The following GSAP variants were observed in gnomAD, a reference collection of about 807,000 sequenced individuals.
GSAP encodes gamma-secretase activating protein, also known as gamma-secretase-activating protein.
Under a neutral mutation model 131.7 loss-of-function variants are expected in GSAP, and 118 were observed. The observed-to-expected ratio is 0.90, with a 90% CI of 0.77 to 1.04. The LOEUF is 1.04. GSAP is among the 50% of genes least tolerant of loss of function. The pLI, the probability that GSAP is intolerant of heterozygous loss-of-function variation, is 0.00. For synonymous variants in GSAP, 381 were observed against 363.4 expected (o/e 1.05, Z -0.55); for missense variants, 1,019 against 1,013.2 (o/e 1.01, Z -0.08).
intron 18 of GSAP, chr7:77,351,684 C>A: frequency 2.0e-6 from 2 of 985,852 alleles, no homozygotes; most frequent in Non-Finnish European, 2.4e-6. Context: ...CTCCACCCTG[C>A]ACAATCTTGA....
rs1474254757 is a variant in GSAP, at chr7:77,344,655, A to G, written c.1545+4696T>C. ...CTAGTATCTCCTGGTGCTATCCCCA[A>G]CTGCCAGTCTTAACTCCCTTTTAGA... On this transcript the variant is annotated intron_variant, in intron 19 of 30. Transcript: ENST00000257626. 2.6e-5 allele frequency among the ~76,000 whole-genome samples: 4 copies of G among 152,162 alleles called. No individual in the cohort carries two copies. The East Asian group carries it at 5.8e-4, about 22-fold the overall frequency.
Position 77,412,093 on chromosome 7 carries a change from C to T in GSAP, c.109+4120G>A, listed in dbSNP as rs140015285. Among the ~76,000 whole-genome samples the T allele has an allele frequency of 3.9e-3, 588 of 152,276 alleles. 5 individuals carry two copies. Among genetic ancestry groups the T allele is most frequent in the African/African-American group, 0.013 (526 of 41,552 alleles). ...ACTTGGGAGGCTGAGGCAGGAGAAT[C>T]GCTTGAACCCGGGAGGTGGAGGTTG... On this transcript the variant is annotated intron_variant, in intron 1 of 30. Coordinates refer to ENST00000257626, the MANE Select transcript of GSAP (RefSeq NM_017439.4).
At position 77,397,007 on chromosome 7, in the gene GSAP, T is replaced by C; in HGVS notation, c.342A>G (p.Glu114=). Residue 114 remains glutamate (E), a synonymous_variant, in exon 5 of 31, where the codon GAA becomes GAG. Transcript: ENST00000257626. ...CTGGTTGAAGTTCGTTCCTTTTTCC[T>C]TCTTTAGTAGACTGAACTAAACTTG... ...LAASLVQSTK[E]GKRNELQPGS... 6.2e-7 allele frequency: 1 copy of C among 1,601,442 alleles called. No individual in the cohort carries two copies. The highest frequency in any genetic ancestry group is 8.5e-7 in the Non-Finnish European group (1 of 1,171,210).
intron 10 of GSAP, among the ~76,000 whole-genome samples, chr7:77,376,638 G>A (rs527782215): frequency 4.6e-5 from 7 of 152,060 alleles, no homozygotes; most frequent in South Asian, 4.2e-4. Context: ...TTATCTGGTC[G>A]TGGTGGCGGG....
In GSAP at chr7:77,416,219, C is replaced by T; in HGVS notation, c.103G>A (p.Gly35Ser). The T allele has an allele frequency of 6.8e-7, 1 of 1,460,872 alleles. No homozygotes were observed. The highest frequency in any genetic ancestry group is 2.5e-5 in the Admixed American group (1 of 39,226). The allele number at this position is 1,460,872 out of a possible 1,614,324, so 90.5% of individuals were successfully genotyped here. ...VSEASGAGSG[G>S]ADVLENDYES... is the part of the protein sequence containing the mutation. ...CGCAGCGCGCCTCCCGCACCTGCGCCGCCGCTTCCGGCCCCGCTGGCCTCC... is the reference window on the plus strand; with the variant it reads ...CGCAGCGCGCCTCCCGCACCTGCGCTGCCGCTTCCGGCCCCGCTGGCCTCC... Residue 35 changes from glycine (G) to serine (S), a missense_variant, in exon 1 of 31, where the codon GGC becomes AGC. Physicochemically the swap from Gly to Ser is moderately conservative, Grantham distance 56. Transcript: ENST00000257626.
At chr7:77,360,585 G>T (rs1355577886) in intron 14 of GSAP, among the ~76,000 whole-genome samples, 2 of 152,176 alleles carry the variant, frequency 1.3e-5, no homozygotes, top group Non-Finnish European at 2.9e-5. Flanking sequence ...CACAGCCTAG[G>T]TTCTCTAAAA....
At position 77,345,319 on chromosome 7, in the gene GSAP, CT is replaced by C. The variant is rs569203857; in HGVS notation, c.1545+4031del. ...ACCACTCTAGGTTCCTATGCTGCCC[CT>C]AATCCTGCTCGAAGCAGCCCTGAGA... On this transcript the variant is annotated intron_variant, in intron 19 of 30. Transcript: ENST00000257626. Among the ~76,000 whole-genome samples, 301 of 152,316 alleles carry C rather than the reference CT, an allele frequency of 2.0e-3. 2 individuals carry two copies. The highest frequency in any genetic ancestry group is 7.0e-3 in the African/African-American group (291 of 41,546).
intron 3 of GSAP, among the ~76,000 whole-genome samples, chr7:77,402,242 A>G (rs1269511916): frequency 6.6e-6 from 1 of 151,450 alleles, no homozygotes; most frequent in Non-Finnish European, 1.5e-5. Flanking sequence ...TCCAAGGAAA[A>G]ATACAGTACT....
At chr7:77,377,125 G>A (rs1797013223) in intron 9 of GSAP, among the ~76,000 whole-genome samples, 161 bp downstream of exon 9, 1 of 151,184 alleles carries the variant, frequency 6.6e-6, no homozygotes, top group African/African-American at 2.4e-5. Context: ...CCTGAGGCAG[G>A]TGCATCACTT....
At chr7:77,379,825 G>T (rs1341984205) in intron 8 of GSAP, 2 of 980,074 alleles carry the variant, frequency 2.0e-6, no homozygotes, top group Non-Finnish European at 2.4e-6. Flanking sequence ...GACAATGGTA[G>T]CCCAGAGCTC....
At chr7:77,338,277 A>G (rs1449375564) in intron 19 of GSAP, among the ~76,000 whole-genome samples, 1 of 152,242 alleles carries the variant, frequency 6.6e-6, no homozygotes, top group Admixed American at 6.5e-5. Context: ...ACAAAGGGAT[A>G]AAATCATTCT....
chr7:77,360,868 T>C lies in GSAP; in HGVS notation c.983A>G (p.Asn328Ser). 6.2e-7 allele frequency: 1 copy of C among 1,604,372 alleles called. No individual in the cohort carries two copies. The highest frequency in any genetic ancestry group is 2.2e-5 in the East Asian group (1 of 44,834). Reference sequence around the variant, plus strand: ...GCCCTTTGTCATGTGTGACCCAACATTCTCAAGAGAAGTGGTGAAGGTCTT... The same window carrying C: ...GCCCTTTGTCATGTGTGACCCAACACTCTCAAGAGAAGTGGTGAAGGTCTT... ...HSKTFTTSLE[N>S]VGSHMTKGIT... Residue 328 changes from asparagine to serine, a missense_variant, in exon 14 of 31, where the codon AAT (asparagine) becomes AGT (serine). By Grantham distance (46) the Asn-to-Ser change is conservative. Coordinates refer to ENST00000257626, the MANE Select transcript of GSAP (RefSeq NM_017439.4).
At chr7:77,313,915 C>A (rs1794686990) in intron 27 of GSAP, among the ~76,000 whole-genome samples, 1 of 152,172 alleles carries the variant, frequency 6.6e-6, no homozygotes, top group South Asian at 2.1e-4. Context: ...ATTTTCCTTG[C>A]ATTTCTAGTC....
chr7:77,376,554 T>A (rs1336509973), intron 10 of GSAP, among the ~76,000 whole-genome samples: 1 of 151,980 alleles, frequency 6.6e-6, no homozygotes, highest in Non-Finnish European at 1.5e-5. Flanking sequence ...GGCAGGTGGA[T>A]CACGAGGTAA....
rs375340252 is a variant in GSAP at position 77,344,943 on chromosome 7, C to A, written c.1545+4408G>T. On this transcript the variant is annotated intron_variant, in intron 19 of 30. Coordinates refer to ENST00000257626, the MANE Select transcript of GSAP (RefSeq NM_017439.4). ...AACTTACTCACTGCAACAACAACAA[C>A]AAAAAAAGAAAGGACTCTGTATATT... is the stretch of plus-strand genomic sequence containing the variant. Among the ~76,000 whole-genome samples the A allele has an allele frequency of 1.7e-4, 26 of 151,800 alleles. 1 individual carries two copies. In the South Asian group the frequency reaches 4.6e-3, roughly 27 times the overall value.
chr7:77,332,430 G>C (rs959493892), intron 19 of GSAP, among the ~76,000 whole-genome samples: 1 of 152,130 alleles, frequency 6.6e-6, no homozygotes, highest in African/African-American at 2.4e-5. Flanking sequence ...ATCAAATCAG[G>C]CTAATTAGCA....
intron 12 of GSAP, among the ~76,000 whole-genome samples, chr7:77,371,981 T>C (rs563822794): frequency 1.5e-4 from 23 of 152,228 alleles, no homozygotes; most frequent in African/African-American, 4.8e-4. Flanking sequence ...TGACCAGACT[T>C]AGCATCACTA....
chr7:77,330,736 G>A, intron 19 of GSAP: 1 of 988,706 alleles, frequency 1.0e-6, no homozygotes, highest in Non-Finnish European at 1.2e-6. Context: ...TTATGACTTA[G>A]GTGGTGTCAA....
At chr7:77,416,148 G>C in intron 1 of GSAP, 65 bp downstream of exon 1, 2 of 964,124 alleles carry the variant, frequency 2.1e-6, no homozygotes, top group Middle Eastern at 3.4e-4. Context: ...CCGGGTCGGA[G>C]TCCGGGGGGT....
Sources: gnomAD v4.1 joint callset for allele counts (sites outside exome capture counted in the v4.1 genomes callset) on GRCh38, gnomAD v4.1.1 for gene constraint, MANE v1.5 for transcripts, NCBI Gene and HGNC (gene_info 2026-07-23, HGNC 2026-07-21) for gene names.